MEGF6: variants seen among roughly 807,000 people sequenced by gnomAD.
MEGF6 encodes the protein multiple EGF like domains 6.
Under a neutral mutation model 207.1 loss-of-function variants are expected in MEGF6, and 184 were observed. That is an observed-to-expected ratio of 0.89 (90% CI 0.79 to 1.00). The LOEUF (loss-of-function observed/expected upper bound fraction) is 1.00. MEGF6 is among the 50% of genes least tolerant of loss of function. The pLI, the probability that MEGF6 is intolerant of heterozygous loss-of-function variation, is 0.00. For missense variants in MEGF6, 2,282 were observed against 2,202.9 expected (o/e 1.04, Z -0.72); for synonymous variants, 1,038 against 910.0 (o/e 1.14, Z -2.53).
intron 2 of MEGF6, among the ~76,000 whole-genome samples, chr1:3,596,118 G>A (rs1329108650): frequency 6.6e-6 from 1 of 152,132 alleles, no homozygotes; most frequent in Non-Finnish European, 1.5e-5. Flanking sequence ...CCAGGTCAGA[G>A]AGGAGGCACC....
chr1:3,544,053 C>T (rs976119118), intron 4 of MEGF6, among the ~76,000 whole-genome samples: 1 of 152,194 alleles, frequency 6.6e-6, no homozygotes, highest in Non-Finnish European at 1.5e-5. Context: ...GCGCGCCGCA[C>T]CACTCGCTGA....
intron 26 of MEGF6, among the ~76,000 whole-genome samples, 187 bp downstream of exon 26, chr1:3,498,184 G>A (rs1445210369): frequency 2.6e-5 from 4 of 152,172 alleles, no homozygotes; most frequent in Non-Finnish European, 4.4e-5. Context: ...GTCCCCACAG[G>A]CCAGCTTCCT....
intron 4 of MEGF6, among the ~76,000 whole-genome samples, chr1:3,537,266 C>G (rs1275017622): frequency 6.6e-6 from 1 of 152,246 alleles, no homozygotes; most frequent in Non-Finnish European, 1.5e-5. Flanking sequence ...CTGGGGATGG[C>G]ATCACAGACC....
chr1:3,566,160 G>A (rs1232295361), intron 4 of MEGF6, among the ~76,000 whole-genome samples: 1 of 152,228 alleles, frequency 6.6e-6, no homozygotes, highest in African/African-American at 2.4e-5. Context: ...TCCTGTTCTT[G>A]GCTAGCCTGG....
chr1:3,509,193 G>A lies in MEGF6; in HGVS notation c.1410C>T (p.Pro470=). Residue 470 remains proline (P), a synonymous_variant, in exon 12 of 37, where the codon CCC becomes CCT. Transcript: ENST00000356575. ...CCTGGAGCACGGCAATGTGGGGCAG[G>A]GGCCGCACGAAAGGCAGCTCGCCGT... ...DLDGELPFVR[P]LPHIAVLQDE... The A allele has an allele frequency of 1.9e-6, 3 of 1,570,798 alleles. No individual in the cohort carries two copies. Among genetic ancestry groups the A allele is most frequent in the South Asian group, 1.2e-5 (1 of 86,122 alleles).
the MEGF6 span, chr1:3,623,103 G>A: frequency 6.6e-6 from 1 of 152,120 alleles, no homozygotes; most frequent in Non-Finnish European, 1.5e-5. Flanking sequence ...TCCTTGGCGT[G>A]GTCCAGAACT....
chr1:3,506,082 A>C (rs370606783), intron 15 of MEGF6, 26 bp downstream of exon 15: 189 of 1,571,984 alleles, frequency 1.2e-4, no homozygotes, highest in Non-Finnish European at 1.5e-4. Context: ...ACCACCATGG[A>C]CACTGGAAGG....
At chr1:3,584,728 G>A (rs1378310622) in intron 3 of MEGF6, among the ~76,000 whole-genome samples, 4 of 152,254 alleles carry the variant, frequency 2.6e-5, no homozygotes, top group African/African-American at 9.6e-5. Context: ...CCCTTCTGCT[G>A]AGGACATTGA....
intron 4 of MEGF6, among the ~76,000 whole-genome samples, chr1:3,535,440 A>T (rs1416765111): frequency 6.6e-6 from 1 of 151,618 alleles, no homozygotes; most frequent in Non-Finnish European, 1.5e-5. Flanking sequence ...GCCCCTCTCC[A>T]GAAGGCTGCC....
chr1:3,522,519 A>T (rs562183285), intron 5 of MEGF6, among the ~76,000 whole-genome samples: 1 of 151,336 alleles, frequency 6.6e-6, no homozygotes, highest in Non-Finnish European at 1.5e-5. Flanking sequence ...GTGTGCAGAC[A>T]TCCCCAGGAC....
rs111203521 is a variant in MEGF6 at position 3,586,034 on chromosome 1, G to A, written c.377-6105C>T. Among the ~76,000 whole-genome samples, 579 of 142,776 alleles carry A rather than the reference G, an allele frequency of 4.1e-3. 3 individuals carry two copies. Among genetic ancestry groups the A allele is most frequent in the African/African-American group, 0.01 (395 of 38,240 alleles). The allele number at this position is 142,776 out of a possible 152,430, so 93.7% of individuals were successfully genotyped here. ...ATGTCCTGTGTGTGGGTGTGTGGAC[G>A]CATGTCCTGCGTGTGGGTGTGAGTG... On this transcript the variant is annotated intron_variant, in intron 3 of 36. Transcript: ENST00000356575.
At chr1:3,552,330 C>T (rs1279035484) in intron 4 of MEGF6, among the ~76,000 whole-genome samples, 1 of 152,224 alleles carries the variant, frequency 6.6e-6, no homozygotes, top group Non-Finnish European at 1.5e-5. Context: ...GGAACACAAG[C>T]TGCCTGGGGC....
At chr1:3,534,882 C>T (rs905444104) in intron 4 of MEGF6, among the ~76,000 whole-genome samples, 8 of 152,146 alleles carry the variant, frequency 5.3e-5, no homozygotes, top group Admixed American at 4.6e-4. Flanking sequence ...ACTCCAGCCC[C>T]TCCATTCCCC....
intron 4 of MEGF6, among the ~76,000 whole-genome samples, chr1:3,562,059 G>A (rs564220012): frequency 6.6e-6 from 1 of 152,230 alleles, no homozygotes; most frequent in African/African-American, 2.4e-5. Flanking sequence ...CCCAAACCAA[G>A]GGTAAGGGGT....
chr1:3,600,141 G>A (rs963124522), intron 2 of MEGF6, among the ~76,000 whole-genome samples: 6 of 152,044 alleles, frequency 3.9e-5, no homozygotes, highest in Admixed American at 6.5e-5. Flanking sequence ...TCCCCAGCCC[G>A]GGCTGCCTTC....
At chr1:3,615,054 C>T (rs370375832), upstream of MEGF6, among the ~76,000 whole-genome samples, 1 of 152,258 alleles carries the variant, frequency 6.6e-6, no homozygotes, top group Admixed American at 6.5e-5. Context: ...AGTACCTCCC[C>T]ACTACTCTCA....
chr1:3,604,748 C>T (rs1438771912), intron 1 of MEGF6, among the ~76,000 whole-genome samples: 1 of 152,156 alleles, frequency 6.6e-6, no homozygotes, highest in Non-Finnish European at 1.5e-5. Flanking sequence ...TGACTAAGGG[C>T]CAGGTCTCTC....
At chr1:3,588,662 C>T (rs1042187767) in intron 3 of MEGF6, among the ~76,000 whole-genome samples, 1 of 151,974 alleles carries the variant, frequency 6.6e-6, no homozygotes, top group African/African-American at 2.4e-5. Flanking sequence ...GAGGGCCAGG[C>T]AGGCTGGGCA....
Position 3,506,243 on chromosome 1 carries a change from G to A in MEGF6, c.1790-7C>T, listed in dbSNP as rs764815029. 117 of 1,608,070 alleles carry A rather than the reference G, an allele frequency of 7.3e-5. No homozygotes were observed. Among genetic ancestry groups the A allele is most frequent in the Non-Finnish European group, 9.3e-5 (109 of 1,178,102 alleles). ...TAGTAGCCCTTGGGGCAGCCTGGGG[G>A]CAGCGGGGCTCCATGTGAACCTTGG... On this transcript the variant is annotated splice_polypyrimidine_tract_variant and splice_region_variant and intron_variant, in intron 14 of 36. Coordinates refer to ENST00000356575, the MANE Select transcript of MEGF6 (RefSeq NM_001409.4).
Sources: gnomAD v4.1 joint callset for allele counts (sites outside exome capture counted in the v4.1 genomes callset) on GRCh38, gnomAD v4.1.1 for gene constraint, MANE v1.5 for transcripts, NCBI Gene and HGNC (gene_info 2026-07-23, HGNC 2026-07-21) for gene names.